The following DPP6 variants were observed in gnomAD, a reference collection of about 807,000 sequenced individuals.
DPP6 encodes A-type potassium channel modulatory protein DPP6.
In DPP6, 69 loss-of-function variants were observed where a neutral mutation model predicts 122.6. That is an observed-to-expected ratio of 0.56 (90% CI 0.46 to 0.69). DPP6 has a LOEUF of 0.69. Ranked by LOEUF, DPP6 falls within the 30% of genes least tolerant of loss-of-function variation. The pLI is 0.00. For missense variants in DPP6, 928 were observed against 1,116.9 expected (o/e 0.83, Z 2.41); for synonymous variants, 418 against 433.1 (o/e 0.97, Z 0.43).
intron 5 of DPP6, among the ~76,000 whole-genome samples, chr7:154,575,356 GTGTGTGTGATGTGTGTGTA>G (rs1831527059): frequency 3.7e-5 from 4 of 106,722 alleles, no homozygotes; most frequent in Non-Finnish European, 5.9e-5. Context: ...TGTGTGTGGT[GTGTGTGTGATGTGTGTGTA>G]TGTGTGTGAT....
At chr7:154,883,880 CAT>C in intron 21 of DPP6, 1 of 93,646 alleles carries the variant, frequency 1.1e-5, no homozygotes, top group Admixed American at 1.1e-4. Flanking sequence ...CTCCCACATA[CAT>C]ACATGCTCAC....
chr7:154,408,351 C>T (rs1314039847), intron 1 of DPP6, among the ~76,000 whole-genome samples: 1 of 152,074 alleles, frequency 6.6e-6, no homozygotes, highest in Non-Finnish European at 1.5e-5. Context: ...ATTTATGTTG[C>T]TTCATTAAAT....
chr7:153,854,481 G>GA, the DPP6 span, among the ~76,000 whole-genome samples: 1 of 148,944 alleles, frequency 6.7e-6, no homozygotes, highest in Non-Finnish European at 1.5e-5. Context: ...AAAGACACAT[G>GA]AAAAAATGCT....
intron 1 of DPP6, among the ~76,000 whole-genome samples, chr7:154,224,295 C>G (rs1479582310): frequency 6.7e-6 from 1 of 148,792 alleles, no homozygotes; most frequent in Non-Finnish European, 1.5e-5. Context: ...GCACTCCAGC[C>G]TGGGTGACAG....
intron 3 of DPP6, among the ~76,000 whole-genome samples, chr7:154,501,178 A>G (rs1160181285): frequency 6.6e-6 from 1 of 152,192 alleles, no homozygotes; most frequent in Non-Finnish European, 1.5e-5. Flanking sequence ...CCTGGGTGCT[A>G]TTAAAGGCAT....
At chr7:153,749,685 G>A in the DPP6 span, among the ~76,000 whole-genome samples, 3 of 152,114 alleles carry the variant, frequency 2.0e-5, no homozygotes, top group Non-Finnish European at 2.9e-5. The surrounding 1 kb of genome is among the most constrained non-coding windows in gnomAD (Gnocchi z 4.1). Context: ...GATTTCGCAC[G>A]GATCCTGTGG....
chr7:153,993,047 A>T (rs576795856), intron 1 of DPP6, among the ~76,000 whole-genome samples: 231 of 152,248 alleles, frequency 1.5e-3, no homozygotes, highest in African/African-American at 5.4e-3. Context: ...CATGCATCCA[A>T]ACATTTTTCT....
At chr7:153,939,279 A>G (rs1357571905) in intron 1 of DPP6, among the ~76,000 whole-genome samples, 1 of 152,220 alleles carries the variant, frequency 6.6e-6, no homozygotes, top group Non-Finnish European at 1.5e-5. Flanking sequence ...CACAGTCTAT[A>G]AAGTACAAGC....
chr7:153,859,235 A>G, the DPP6 span, among the ~76,000 whole-genome samples: 15 of 152,114 alleles, frequency 9.9e-5, 1 homozygote, highest in South Asian at 6.2e-4. Flanking sequence ...AGAGGGCTGC[A>G]TTGCACCATG....
At chr7:153,974,484 T>G (rs1019943281) in intron 1 of DPP6, among the ~76,000 whole-genome samples, 1 of 152,116 alleles carries the variant, frequency 6.6e-6, no homozygotes, top group Admixed American at 6.5e-5. Context: ...GTCCCTTTCC[T>G]GATTCCGAAT....
At chr7:154,438,205 T>C (rs994572074) in intron 1 of DPP6, among the ~76,000 whole-genome samples, 11 of 151,870 alleles carry the variant, frequency 7.2e-5, no homozygotes, top group Non-Finnish European at 1.3e-4. Flanking sequence ...CTGTGGCAAA[T>C]GCCTGTAATC....
chr7:154,481,734 A>ATCACTCCTAG lies in DPP6; in HGVS notation c.457+6702_457+6711dup, dbSNP rs1192482994. On this transcript the variant is annotated intron_variant, in intron 3 of 25. Transcript: ENST00000377770. The surrounding 1 kb of genome is among the most constrained non-coding windows in gnomAD (Gnocchi z 4.2). The stretch of plus-strand genomic sequence containing the variant: ...GCTCTCCTCTCCGCGTCCACTTGTG[A>ATCACTCCTAG]TCACTCCTAGTCACCACCCTGCATG... Among the ~76,000 whole-genome samples, 1 of 152,074 alleles carries ATCACTCCTAG rather than the reference A, an allele frequency of 6.6e-6. No individual in the cohort carries two copies. The highest frequency in any genetic ancestry group is 1.5e-5 in the Non-Finnish European group (1 of 68,028).
chr7:154,313,053 A>G (rs1396417557), intron 1 of DPP6, among the ~76,000 whole-genome samples: 2 of 152,248 alleles, frequency 1.3e-5, no homozygotes, highest in Non-Finnish European at 2.9e-5. Flanking sequence ...GACACTAAGT[A>G]TGTATCTCAA....
At chr7:153,824,735 C>G in the DPP6 span, among the ~76,000 whole-genome samples, 1 of 152,040 alleles carries the variant, frequency 6.6e-6, no homozygotes, top group African/African-American at 2.4e-5. Context: ...GAATGTATGT[C>G]CTCCTTGGTG....
chr7:153,862,026 C>G, the DPP6 span, among the ~76,000 whole-genome samples: 53 of 152,296 alleles, frequency 3.5e-4, no homozygotes, highest in African/African-American at 1.2e-3. Context: ...AGGACAAAAA[C>G]AGCAAACCGT....
At chr7:154,035,458 T>C (rs901466951) in intron 1 of DPP6, among the ~76,000 whole-genome samples, 15 of 152,224 alleles carry the variant, frequency 9.9e-5, no homozygotes, top group African/African-American at 2.7e-4. Flanking sequence ...TGATGTGATG[T>C]CTCCCTTATG....
At chr7:154,542,420 G>A (rs1293749831) in intron 4 of DPP6, among the ~76,000 whole-genome samples, 1 of 152,216 alleles carries the variant, frequency 6.6e-6, no homozygotes. Context: ...ATTATTTCCT[G>A]TGAGGATGTC....
At chr7:153,999,969 A>G (rs574914599) in intron 1 of DPP6, among the ~76,000 whole-genome samples, 2 of 150,548 alleles carry the variant, frequency 1.3e-5, no homozygotes, top group African/African-American at 2.4e-5. Context: ...TCAAAGAAAG[A>G]AAGAAAGAAA....
intron 1 of DPP6, among the ~76,000 whole-genome samples, chr7:153,994,577 C>G (rs1797339735): frequency 6.6e-6 from 1 of 152,142 alleles, no homozygotes; most frequent in South Asian, 2.1e-4. Context: ...TTGGCTGTAT[C>G]TTTAATGATT....
Sources: gnomAD v4.1 joint callset for allele counts (sites outside exome capture counted in the v4.1 genomes callset) on GRCh38, gnomAD v4.1.1 for gene constraint, Gnocchi (gnomAD v3.1) non-coding constraint, MANE v1.5 for transcripts, NCBI Gene and HGNC (gene_info 2026-07-23, HGNC 2026-07-21) for gene names.